COL6A6: variants seen among roughly 807,000 people sequenced by gnomAD.
COL6A6 encodes collagen alpha-6(VI) chain.
A neutral mutation model predicts 208.6 loss-of-function variants in COL6A6; 183 were observed. That is an observed-to-expected ratio of 0.88 (90% CI 0.78 to 0.99). The LOEUF (loss-of-function observed/expected upper bound fraction) is 0.99, where lower values mean the gene tolerates loss of function less well. Ranked by LOEUF, COL6A6 falls within the 50% of genes least tolerant of loss-of-function variation. COL6A6 has a pLI of 0.00. For synonymous variants in COL6A6, 973 were observed against 1,011.8 expected (o/e 0.96, Z 0.73); for missense variants, 2,816 against 2,815.2 (o/e 1.00, Z -0.01).
intron 18 of COL6A6, among the ~76,000 whole-genome samples, chr3:130,597,149 G>A (rs982845155): frequency 3.9e-5 from 6 of 152,110 alleles, no homozygotes; most frequent in Admixed American, 1.3e-4. Flanking sequence ...TGGACTTTAC[G>A]TGACCTTCCT....
intron 4 of COL6A6, among the ~76,000 whole-genome samples, chr3:130,565,960 T>G (rs2063010670): frequency 6.6e-6 from 1 of 152,144 alleles, no homozygotes; most frequent in Non-Finnish European, 1.5e-5. Context: ...CTTTATTTCT[T>G]TATTCTTTTT....
chr3:130,588,438 A>G (rs2063591493), intron 11 of COL6A6, among the ~76,000 whole-genome samples: 1 of 152,254 alleles, frequency 6.6e-6, no homozygotes, highest in South Asian at 2.1e-4. Context: ...CCAGGATGAC[A>G]TTTATTAATG....
intron 12 of COL6A6, chr3:130,590,048 A>G (rs949521910): frequency 3.1e-5 from 14 of 447,146 alleles, no homozygotes; most frequent in African/African-American, 6.0e-5. Context: ...TGTGTGGTCT[A>G]TTTTTCTATG....
At chr3:130,671,994 C>T (rs1169989061) in intron 36 of COL6A6, among the ~76,000 whole-genome samples, 1 of 152,210 alleles carries the variant, frequency 6.6e-6, no homozygotes, top group Non-Finnish European at 1.5e-5. Flanking sequence ...TGGACATAAT[C>T]ACTAATGCCA....
chr3:130,567,953 A>G, intron 5 of COL6A6, 94 bp from the exon 6 acceptor site: 2 of 823,328 alleles, frequency 2.4e-6, no homozygotes, highest in Non-Finnish European at 3.8e-6. Flanking sequence ...TACACATGTC[A>G]ATATAAAATT....
chr3:130,598,021 G>C (rs1173573284), intron 18 of COL6A6, among the ~76,000 whole-genome samples: 1 of 152,158 alleles, frequency 6.6e-6, no homozygotes, highest in Non-Finnish European at 1.5e-5. Context: ...AAGAGGAAAA[G>C]TTAAGAGAAG....
chr3:130,532,941 A>G (rs1305135061), intron 1 of COL6A6, among the ~76,000 whole-genome samples: 3 of 152,052 alleles, frequency 2.0e-5, no homozygotes, highest in African/African-American at 7.2e-5. Context: ...TTTTTTCACA[A>G]TATGGATTCA....
chr3:130,662,580 T>G (rs1295650053), intron 35 of COL6A6, among the ~76,000 whole-genome samples: 1 of 152,304 alleles, frequency 6.6e-6, no homozygotes, highest in African/African-American at 2.4e-5. Context: ...TCTGTCTTCA[T>G]GGAGCAGTGC....
At chr3:130,598,528 A>C (rs1470063916) in intron 19 of COL6A6, 98 bp downstream of exon 19, 1 of 819,960 alleles carries the variant, frequency 1.2e-6, no homozygotes, top group East Asian at 2.7e-5. Context: ...CTGGAATCAA[A>C]GTGGATATAC....
rs1270888382 is a variant in COL6A6, at chr3:130,568,442, C to G, written c.2239C>G (p.Gln747Glu). 1 of 1,613,934 alleles carries G rather than the reference C, an allele frequency of 6.2e-7. No homozygotes were observed. The highest frequency in any genetic ancestry group is 8.5e-7 in the Non-Finnish European group (1 of 1,179,878). Reference sequence around the variant, plus strand: ...AAAGGAACCAGCAGTAGTGCTTCGGCAAGAAGGTGTAATCATCTATTCTGT... The same window carrying G: ...AAAGGAACCAGCAGTAGTGCTTCGGGAAGAAGGTGTAATCATCTATTCTGT... The part of the protein sequence containing the change: ...IVKEPAVVLR[Q>E]EGVIIYSVGV... The change falls in exon 6 of 37, where the codon CAA becomes GAA. Residue 747 changes from glutamine (Q) to glutamate (E), a missense_variant. Transcript: ENST00000358511.
chr3:130,665,787 C>T (rs1046233395), intron 36 of COL6A6, among the ~76,000 whole-genome samples: 2 of 152,276 alleles, frequency 1.3e-5, no homozygotes, highest in Admixed American at 1.3e-4. Flanking sequence ...ATGTTAATAA[C>T]ATATTACAAT....
intron 1 of COL6A6, among the ~76,000 whole-genome samples, chr3:130,529,183 G>A (rs1476504111): frequency 6.6e-6 from 1 of 151,144 alleles, no homozygotes; most frequent in East Asian, 2.0e-4. Flanking sequence ...AAGGCAAAAT[G>A]ACTCCATCTT....
At chr3:130,572,612 A>C (rs1020563419) in intron 7 of COL6A6, among the ~76,000 whole-genome samples, 6 of 152,220 alleles carry the variant, frequency 3.9e-5, no homozygotes, top group African/African-American at 1.4e-4. Flanking sequence ...CCTTGTAGCC[A>C]TTGTCTAAAA....
At chr3:130,576,288 T>C (rs1191339493) in intron 8 of COL6A6, among the ~76,000 whole-genome samples, 1 of 152,156 alleles carries the variant, frequency 6.6e-6, no homozygotes, top group Non-Finnish European at 1.5e-5. Context: ...TCCTTGCGTA[T>C]ATGTGTGTGT....
At position 130,655,888 on chromosome 3, in the gene COL6A6, C is replaced by A. The variant is rs114556930; in HGVS notation, c.5734-2788C>A. Reference sequence around the variant, plus strand: ...TCATGCTACCAGCCTGAATCTCATACCTGCCAAGGGCAAGCCAGGCATGGA... The same window carrying A: ...TCATGCTACCAGCCTGAATCTCATAACTGCCAAGGGCAAGCCAGGCATGGA... On this transcript the variant is annotated intron_variant, in intron 33 of 36. Coordinates refer to ENST00000358511, the MANE Select transcript of COL6A6 (RefSeq NM_001102608.3). Among the ~76,000 whole-genome samples, 514 of 152,302 alleles carry A rather than the reference C, an allele frequency of 3.4e-3. 7 individuals carry two copies. Among genetic ancestry groups the A allele is most frequent in the African/African-American group, 0.012 (487 of 41,570 alleles).
chr3:130,577,840 G>T (rs569512682), intron 8 of COL6A6, among the ~76,000 whole-genome samples: 1 of 152,204 alleles, frequency 6.6e-6, no homozygotes, highest in Non-Finnish European at 1.5e-5. Context: ...ATAGCACGTT[G>T]CTGAGAGTAC....
chr3:130,618,466 C>G (rs1023011609), intron 23 of COL6A6, among the ~76,000 whole-genome samples: 9 of 152,230 alleles, frequency 5.9e-5, no homozygotes, highest in African/African-American at 2.2e-4. Flanking sequence ...TGCCCTTCCC[C>G]TTTAAATGCC....
intron 33 of COL6A6, among the ~76,000 whole-genome samples, chr3:130,655,892 C>A (rs2065775239): frequency 6.6e-6 from 1 of 152,194 alleles, no homozygotes; most frequent in Non-Finnish European, 1.5e-5. Context: ...CTCATACCTG[C>A]CAAGGGCAAG....
chr3:130,620,576 G>T (rs534315015), intron 23 of COL6A6, among the ~76,000 whole-genome samples: 13 of 152,134 alleles, frequency 8.5e-5, no homozygotes, highest in Non-Finnish European at 1.8e-4. Flanking sequence ...TCTATGGAGG[G>T]TGACAATATT....
Sources: gnomAD v4.1 joint callset for allele counts (sites outside exome capture counted in the v4.1 genomes callset) on GRCh38, gnomAD v4.1.1 for gene constraint, MANE v1.5 for transcripts, NCBI Gene and HGNC (gene_info 2026-07-23, HGNC 2026-07-21) for gene names.